SEH1L: variants seen among roughly 807,000 people sequenced by gnomAD.
SEH1L encodes the protein nucleoporin SEH1.
A neutral mutation model predicts 49.5 loss-of-function variants in SEH1L; 18 were observed. That is an observed-to-expected ratio of 0.36 (90% CI 0.25 to 0.54). The LOEUF is 0.54. SEH1L is among the 20% of genes least tolerant of loss of function. SEH1L has a pLI of 0.87. For synonymous variants in SEH1L, 169 were observed against 178.1 expected, an observed-to-expected ratio of 0.95 and a Z score of 0.41; for missense variants, 404 against 528.8, an observed-to-expected ratio of 0.76 and a Z score of 2.31.
chr18:12,958,583 A>G (rs111490972), intron 3 of SEH1L, among the ~76,000 whole-genome samples: 11 of 152,134 alleles, frequency 7.2e-5, no homozygotes, highest in Non-Finnish European at 1.3e-4. Flanking sequence ...TAGGTACTGC[A>G]TGTAAGTGGA....
intron 6 of SEH1L, among the ~76,000 whole-genome samples, chr18:12,981,756 T>A (rs551043394): frequency 6.6e-6 from 1 of 152,132 alleles, no homozygotes; most frequent in Non-Finnish European, 1.5e-5. Context: ...ATTGAGACAG[T>A]CTTGTGAATA....
At chr18:12,948,844 TTTTC>T (rs2030295038) in intron 1 of SEH1L, 1 of 151,036 alleles carries the variant, frequency 6.6e-6, no homozygotes, top group South Asian at 2.1e-4. Flanking sequence ...GCAGAATTTC[TTTTC>T]TTTTTTTTTT....
chr18:12,953,489 C>T (rs1391907623), intron 2 of SEH1L, among the ~76,000 whole-genome samples: 1 of 152,234 alleles, frequency 6.6e-6, no homozygotes, highest in Non-Finnish European at 1.5e-5. Context: ...TCCTCACCTA[C>T]ACTCGATAAT....
chr18:12,984,421 A>G (rs2032390014), intron 8 of SEH1L, among the ~76,000 whole-genome samples: 1 of 152,232 alleles, frequency 6.6e-6, no homozygotes, highest in African/African-American at 2.4e-5. Flanking sequence ...TTAGTGGTCT[A>G]TTGGTAGAAA....
In SEH1L at chr18:12,986,945, CTCT is replaced by C; in HGVS notation, c.1155_1157del (p.Leu386del). ...CAGCTCCTTCCTCCTCCTCCTCCTC[CTCT>C]GGTAGAGCACTCTTGCGATGCTGAC... On this transcript the variant is annotated inframe_deletion, in exon 9 of 9. Transcript: ENST00000399892. 2 of 1,613,698 alleles carry C rather than the reference CTCT, an allele frequency of 1.2e-6. No homozygotes were observed. Among genetic ancestry groups the C allele is most frequent in the Middle Eastern group, 1.6e-4 (1 of 6,062 alleles).
chr18:12,955,741 C>T (rs2030813734), intron 3 of SEH1L, 132 bp downstream of exon 3: 2 of 903,642 alleles, frequency 2.2e-6, no homozygotes, highest in East Asian at 2.7e-5. Context: ...AAAGTTCTTT[C>T]TTCCATGTTT....
chr18:12,951,624 C>G (rs140156926), intron 1 of SEH1L, among the ~76,000 whole-genome samples: 93 of 152,366 alleles, frequency 6.1e-4, no homozygotes, highest in African/African-American at 2.2e-3. Context: ...CTCCTGACCT[C>G]AGGTGATCCG....
intron 7 of SEH1L, chr18:12,983,136 C>T (rs1050909477): frequency 3.3e-5 from 5 of 153,256 alleles, no homozygotes; most frequent in African/African-American, 9.6e-5. Flanking sequence ...TTCTAAGTGC[C>T]AGGCTGAGTG....
At chr18:12,959,533 C>T (rs111526225) in intron 3 of SEH1L, among the ~76,000 whole-genome samples, 116 of 152,246 alleles carry the variant, frequency 7.6e-4, no homozygotes, top group African/African-American at 2.7e-3. Context: ...CTTCAATAAG[C>T]ATTTTCTTTG....
intron 3 of SEH1L, among the ~76,000 whole-genome samples, chr18:12,960,571 A>T (rs1309505995): frequency 1.3e-5 from 2 of 152,154 alleles, no homozygotes; most frequent in African/African-American, 4.8e-5. Context: ...TTCTCAGGGG[A>T]GGAGTATGTC....
chr18:12,956,279 C>T (rs905440520), intron 3 of SEH1L, among the ~76,000 whole-genome samples: 5 of 151,916 alleles, frequency 3.3e-5, no homozygotes, highest in East Asian at 3.9e-4. Context: ...CTCCTGACCT[C>T]GTGATCTGCC....
intron 6 of SEH1L, among the ~76,000 whole-genome samples, chr18:12,980,075 CG>C (rs1328570946): frequency 3.2e-5 from 2 of 62,466 alleles, no homozygotes; most frequent in African/African-American, 2.1e-4. Context: ...GCTGGCCGGG[CG>C]GGGGGCTGAC....
intron 6 of SEH1L, among the ~76,000 whole-genome samples, chr18:12,979,904 C>T (rs1437532769): frequency 2.5e-5 from 3 of 120,250 alleles, no homozygotes; most frequent in South Asian, 3.0e-4. Context: ...GCGGACGGGG[C>T]GGCTGGCCGG....
intron 6 of SEH1L, among the ~76,000 whole-genome samples, chr18:12,981,034 G>T (rs2032226421): frequency 6.6e-6 from 1 of 151,274 alleles, no homozygotes; most frequent in African/African-American, 2.4e-5. Context: ...CGGTGTGGCT[G>T]CCGGGCGGAG....
intron 4 of SEH1L, among the ~76,000 whole-genome samples, chr18:12,967,254 GTCTT>G (rs2031491568): frequency 6.6e-6 from 1 of 152,160 alleles, no homozygotes; most frequent in Non-Finnish European, 1.5e-5. Flanking sequence ...CTTTTTGTGT[GTCTT>G]TCTTTTTAAA....
At chr18:12,980,488 C>A (rs2032172084) in intron 6 of SEH1L, among the ~76,000 whole-genome samples, 1 of 68,318 alleles carries the variant, frequency 1.5e-5, no homozygotes. Flanking sequence ...CAACCTCCCT[C>A]CCGGACGGGG....
chr18:12,981,143 A>G (rs1277372703), intron 6 of SEH1L, among the ~76,000 whole-genome samples: 9 of 148,538 alleles, frequency 6.1e-5, no homozygotes, highest in African/African-American at 2.3e-4. Context: ...ATCTCAGATG[A>G]TGGGCGGCCG....
rs2032489820 is a variant in SEH1L at position 12,986,974 on chromosome 18, A to C, written c.1183A>C (p.Thr395Pro). The change falls in exon 9 of 9, where the codon ACT (threonine) becomes CCT (proline). Residue 395 changes from threonine to proline, a missense_variant. Around this residue, in one of 3 missense-constraint regions of SEH1L, gnomAD observed 342 missense variants for 430.8 expected, o/e 0.79. Coordinates refer to ENST00000399892, the MANE Select transcript of SEH1L (RefSeq NM_001013437.2). ...GGTAGAGCACTCTTGCGATGCTGACACTGCCAACCTCCAGTATCCTCACCC... is the reference window on the plus strand; with the variant it reads ...GGTAGAGCACTCTTGCGATGCTGACCCTGCCAACCTCCAGTATCCTCACCC... Reference protein sequence around the residue: ...PLVEHSCDADTANLQYPHPRR... With the variant: ...PLVEHSCDADPANLQYPHPRR... 1 of 1,613,690 alleles carries C rather than the reference A, an allele frequency of 6.2e-7. No homozygotes were observed. Among genetic ancestry groups the C allele is most frequent in the African/African-American group, 1.3e-5 (1 of 74,820 alleles).
At chr18:12,962,867 A>G (rs1401723828) in intron 3 of SEH1L, among the ~76,000 whole-genome samples, 1 of 151,422 alleles carries the variant, frequency 6.6e-6, no homozygotes, top group East Asian at 1.9e-4. Context: ...TTTTGTGATC[A>G]GTTTGCTTAA....
Sources: allele counts gnomAD v4.1 joint callset (sites outside exome capture counted in the v4.1 genomes callset), GRCh38; gene constraint gnomAD v4.1.1; regional missense constraint gnomAD v4.1.1; transcripts MANE v1.5; gene names NCBI Gene and HGNC (gene_info 2026-07-23, HGNC 2026-07-21).